Variants in ARHGAP31 observed in about 807,000 individuals in gnomAD.
ARHGAP31 encodes Rho GTPase activating protein 31, also known as rho GTPase-activating protein 31.
ARHGAP31 carries 34 observed loss-of-function variants against 113.9 expected under a neutral mutation model. The ratio of observed to expected loss-of-function variants is 0.30; its 90% confidence interval spans 0.23 to 0.40. ARHGAP31 has a LOEUF of 0.40. Ranked by LOEUF, ARHGAP31 falls within the 10% of genes least tolerant of loss-of-function variation. The pLI, the probability that ARHGAP31 is intolerant of heterozygous loss-of-function variation, is 1.00. For missense variants in ARHGAP31, 1,548 were observed against 1,767.1 expected (o/e 0.88, Z 2.22); for synonymous variants, 650 against 684.8 (o/e 0.95, Z 0.79).
intron 1 of ARHGAP31, among the ~76,000 whole-genome samples, chr3:119,362,862 G>A (rs1272257426): frequency 2.0e-5 from 3 of 151,908 alleles, no homozygotes; most frequent in Non-Finnish European, 1.5e-5. Flanking sequence ...GATGGGAAGA[G>A]GCAAGCTGTG....
chr3:119,356,979 C>G (rs528891536), intron 1 of ARHGAP31, among the ~76,000 whole-genome samples: 1 of 152,348 alleles, frequency 6.6e-6, no homozygotes, highest in East Asian at 1.9e-4. Flanking sequence ...AAATTGCCCT[C>G]CAGAGGTTGT....
intron 1 of ARHGAP31, among the ~76,000 whole-genome samples, chr3:119,337,194 G>A (rs1221214187): frequency 6.6e-6 from 1 of 152,174 alleles, no homozygotes; most frequent in East Asian, 1.9e-4. Flanking sequence ...CTTAGAGACG[G>A]TTTATCTGGA....
intron 1 of ARHGAP31, among the ~76,000 whole-genome samples, chr3:119,345,061 T>A (rs959052830): frequency 4.6e-5 from 7 of 152,002 alleles, no homozygotes; most frequent in Non-Finnish European, 1.0e-4. Context: ...CTCGGCTCAC[T>A]ACAAGCTCTG....
At position 119,383,149 on chromosome 3, in the gene ARHGAP31, A is replaced by G; in HGVS notation, c.605A>G (p.Gln202Arg). 1 of 1,614,232 alleles carries G rather than the reference A, an allele frequency of 6.2e-7. No homozygotes were observed. The highest frequency in any genetic ancestry group is 1.3e-5 in the African/African-American group (1 of 75,060). The change falls in exon 6 of 12, where the codon CAG becomes CGG. Residue 202 changes from glutamine (Q) to arginine (R), a missense_variant. Transcript: ENST00000264245. Reference protein sequence around the residue: ...DAAFLAVRVQQVVIEFILNHV... With the variant: ...DAAFLAVRVQRVVIEFILNHV... Reference sequence around the variant, plus strand: ...GCCTTCCTTGCAGTCCGGGTCCAGCAGGTGGTGATTGAGTTCATATTGAAT... The same window carrying G: ...GCCTTCCTTGCAGTCCGGGTCCAGCGGGTGGTGATTGAGTTCATATTGAAT...
chr3:119,356,036 G>A (rs1264134161), intron 1 of ARHGAP31, among the ~76,000 whole-genome samples: 1 of 152,206 alleles, frequency 6.6e-6, no homozygotes, highest in Non-Finnish European at 1.5e-5. Flanking sequence ...TCAGAAACAA[G>A]CAACACCTCA....
At position 119,415,652 on chromosome 3, in the gene ARHGAP31, G is replaced by A. The variant is rs2080769283; in HGVS notation, c.3723G>A (p.Gly1241=). ...AGGAGGGACCCAGCTCAACCAGTGGGACCACTCAGAAACCTGCCAAAGATG... is the reference window on the plus strand; with the variant it reads ...AGGAGGGACCCAGCTCAACCAGTGGAACCACTCAGAAACCTGCCAAAGATG... The part of the protein sequence containing the change: ...RSQEGPSSTS[G]TTQKPAKDDS... Residue 1241 remains glycine (G), a synonymous_variant, in exon 12 of 12, where the codon GGG becomes GGA. Transcript: ENST00000264245. 6.2e-7 allele frequency: 1 copy of A among 1,613,984 alleles called. No individual in the cohort carries two copies. The highest frequency in any genetic ancestry group is 1.3e-5 in the African/African-American group (1 of 74,910).
chr3:119,294,690 G>A lies in ARHGAP31; in HGVS notation c.-215G>A, dbSNP rs1458882345. The A allele has an allele frequency of 1.3e-5, 8 of 592,618 alleles. No homozygotes were observed. Among genetic ancestry groups the A allele is most frequent in the Admixed American group, 9.4e-5 (3 of 31,770 alleles). 36.7% of individuals were successfully genotyped at this position (592,618 alleles called of 1,614,324 possible). On this transcript the variant is annotated 5_prime_UTR_variant, in exon 1 of 12. Coordinates refer to ENST00000264245, the MANE Select transcript of ARHGAP31 (RefSeq NM_020754.4). ...CTGCCAGTCTGCACGGCCTCGGCAC[G>A]GCGGCCCCGGAGCGGCGCGGGGTGG...
chr3:119,295,194 C>G (rs779701835), intron 1 of ARHGAP31, among the ~76,000 whole-genome samples, 190 bp downstream of exon 1: 2 of 151,728 alleles, frequency 1.3e-5, no homozygotes, highest in African/African-American at 2.4e-5. Context: ...CGCTGCTGTC[C>G]CGACGCGCAG....
intron 11 of ARHGAP31, among the ~76,000 whole-genome samples, chr3:119,410,675 A>C (rs754488522): frequency 6.6e-6 from 1 of 152,258 alleles, no homozygotes; most frequent in Non-Finnish European, 1.5e-5. Flanking sequence ...AAGCAGGTAA[A>C]GTTAGTGCTG....
At chr3:119,355,967 A>T (rs2080153681) in intron 1 of ARHGAP31, among the ~76,000 whole-genome samples, 2 of 152,348 alleles carry the variant, frequency 1.3e-5, no homozygotes, top group South Asian at 4.1e-4. Context: ...CTAGATGAAT[A>T]AGACACGGGA....
At chr3:119,324,600 C>G (rs1462972292) in intron 1 of ARHGAP31, among the ~76,000 whole-genome samples, 1 of 152,148 alleles carries the variant, frequency 6.6e-6, no homozygotes, top group Non-Finnish European at 1.5e-5. Flanking sequence ...CTTGTCCCTC[C>G]CAAGGAGATT....
chr3:119,302,543 T>C (rs1430266590), intron 1 of ARHGAP31, among the ~76,000 whole-genome samples: 1 of 152,256 alleles, frequency 6.6e-6, no homozygotes, highest in African/African-American at 2.4e-5. Flanking sequence ...TAGTAAGTGC[T>C]ACTTATCTGT....
intron 11 of ARHGAP31, 25 bp from the exon 12 acceptor site, chr3:119,413,831 C>CA: frequency 6.2e-7 from 1 of 1,614,176 alleles, no homozygotes; most frequent in Non-Finnish European, 8.5e-7. Flanking sequence ...AGTTCTAAGA[C>CA]AATCAGTTTA....
intron 1 of ARHGAP31, among the ~76,000 whole-genome samples, chr3:119,354,781 G>T (rs2080141909): frequency 6.7e-6 from 1 of 148,650 alleles, no homozygotes; most frequent in African/African-American, 2.5e-5. Context: ...ACCTGCCATT[G>T]TGTGTCATTT....
intron 1 of ARHGAP31, among the ~76,000 whole-genome samples, chr3:119,301,628 A>G (rs7649558): frequency 0.35 from 53,728 of 151,904 alleles, 11,781 homozygotes; most frequent in African/African-American, 0.62. Flanking sequence ...AAGTTCTCAA[A>G]CACCTGATGG....
At chr3:119,340,012 C>G (rs905390592) in intron 1 of ARHGAP31, among the ~76,000 whole-genome samples, 1 of 152,148 alleles carries the variant, frequency 6.6e-6, no homozygotes, top group African/African-American at 2.4e-5. Context: ...AAAATAGGTG[C>G]AAACTGCACA....
intron 3 of ARHGAP31, among the ~76,000 whole-genome samples, chr3:119,372,656 A>G (rs1046806390): frequency 6.6e-6 from 1 of 152,220 alleles, no homozygotes; most frequent in Non-Finnish European, 1.5e-5. Context: ...AAAAATATTA[A>G]TGGACTAATA....
At chr3:119,357,361 G>A (rs1218932365) in intron 1 of ARHGAP31, among the ~76,000 whole-genome samples, 3 of 152,170 alleles carry the variant, frequency 2.0e-5, no homozygotes, top group Non-Finnish European at 4.4e-5. Flanking sequence ...AAGGTGCAGA[G>A]CATATTCAGG....
At chr3:119,343,176 C>T (rs1211302263) in intron 1 of ARHGAP31, among the ~76,000 whole-genome samples, 2 of 152,064 alleles carry the variant, frequency 1.3e-5, no homozygotes, top group African/African-American at 4.8e-5. Context: ...TGCATTCATC[C>T]AGGGAGTATT....
Sources: gnomAD v4.1 joint callset for allele counts (sites outside exome capture counted in the v4.1 genomes callset) on GRCh38, gnomAD v4.1.1 for gene constraint, MANE v1.5 for transcripts, NCBI Gene and HGNC (gene_info 2026-07-23, HGNC 2026-07-21) for gene names.